The following HPSE2 variants were observed in gnomAD, a reference collection of about 807,000 sequenced individuals.
HPSE2 encodes heparanase 2 (inactive).
HPSE2 carries 38 observed loss-of-function variants against 60.5 expected under a neutral mutation model. The observed-to-expected ratio is 0.63, with a 90% CI of 0.48 to 0.82. HPSE2 has a LOEUF of 0.82. HPSE2 is among the 40% of genes least tolerant of loss of function. The pLI, the probability that HPSE2 is intolerant of heterozygous loss-of-function variation, is 0.00. For missense variants in HPSE2, 713 were observed against 740.4 expected, an observed-to-expected ratio of 0.96 and a Z score of 0.43; for synonymous variants, 295 against 293.2, an observed-to-expected ratio of 1.01 and a Z score of -0.06.
chr10:99,207,596 T>TA lies in HPSE2; in HGVS notation c.448+24751_448+24752insT, dbSNP rs1465429142. Among the ~76,000 whole-genome samples, 6 of 152,126 alleles carry TA rather than the reference T, an allele frequency of 3.9e-5. No individual in the cohort carries two copies. In the East Asian group the frequency reaches 1.2e-3, roughly 29 times the overall value. On this transcript the variant is annotated intron_variant, in intron 2 of 11. Transcript: ENST00000370552. ...TAATAATGGCTATAATAAAGGAACC[T>TA]TAACAATAAAAGTTTTTAAAGAATA...
intron 2 of HPSE2, among the ~76,000 whole-genome samples, chr10:99,228,612 A>T (rs907940794): frequency 6.6e-6 from 1 of 152,212 alleles, no homozygotes; most frequent in Non-Finnish European, 1.5e-5. Context: ...CAACAGTAAG[A>T]TTCCTTGGGT....
intron 3 of HPSE2, among the ~76,000 whole-genome samples, chr10:99,114,507 C>T (rs1221397682): frequency 1.3e-5 from 2 of 152,150 alleles, no homozygotes; most frequent in Non-Finnish European, 2.9e-5. Flanking sequence ...CTCTTCAGAT[C>T]TCTTAACACA....
intron 3 of HPSE2, among the ~76,000 whole-genome samples, chr10:98,886,704 T>G (rs1045519014): frequency 6.6e-6 from 1 of 152,060 alleles, no homozygotes; most frequent in Non-Finnish European, 1.5e-5. Flanking sequence ...GACTGATTGG[T>G]AAGCTAATCA....
chr10:99,186,958 A>AT (rs956959548), intron 2 of HPSE2, among the ~76,000 whole-genome samples: 4 of 151,692 alleles, frequency 2.6e-5, no homozygotes, highest in African/African-American at 9.7e-5. Flanking sequence ...AGTTTTTTGT[A>AT]TTTTTTGTAG....
intron 3 of HPSE2, among the ~76,000 whole-genome samples, chr10:98,973,347 T>C (rs2135273943): frequency 6.6e-6 from 1 of 152,262 alleles, no homozygotes; most frequent in Admixed American, 6.5e-5. Context: ...CAATCTTCTG[T>C]CTAGATAAAC....
chr10:99,240,579 T>A (rs901800959), upstream of HPSE2, among the ~76,000 whole-genome samples: 1 of 151,808 alleles, frequency 6.6e-6, no homozygotes, highest in East Asian at 1.9e-4. Flanking sequence ...CCCGGCTAAT[T>A]TTTTTGTATT....
At chr10:99,312,635 G>T in the HPSE2 span, among the ~76,000 whole-genome samples, 1 of 152,188 alleles carries the variant, frequency 6.6e-6, no homozygotes, top group Admixed American at 6.5e-5. Flanking sequence ...GAGCTCTGAT[G>T]CAGATGTACA....
chr10:99,180,941 G>A (rs1410347420), intron 2 of HPSE2, among the ~76,000 whole-genome samples: 1 of 149,008 alleles, frequency 6.7e-6, no homozygotes, highest in East Asian at 2.0e-4. Flanking sequence ...AGAGGATGTG[G>A]AGAAATAGGA....
intron 3 of HPSE2, among the ~76,000 whole-genome samples, chr10:98,887,129 C>T (rs1953187942): frequency 6.6e-6 from 1 of 152,098 alleles, no homozygotes; most frequent in Non-Finnish European, 1.5e-5. Context: ...ATCATCACCT[C>T]TGATCAATGG....
chr10:99,220,259 T>C (rs374989065), intron 2 of HPSE2, among the ~76,000 whole-genome samples: 38 of 151,558 alleles, frequency 2.5e-4, no homozygotes, highest in Non-Finnish European at 4.3e-4. Flanking sequence ...ATAGCACAAA[T>C]AACAAACAGA....
rs369357717 is a variant in HPSE2, at chr10:99,136,835, C to T, written c.610+7403G>A. Among the ~76,000 whole-genome samples, 28 of 152,230 alleles carry T rather than the reference C, an allele frequency of 1.8e-4. No individual in the cohort carries two copies. In the South Asian group the frequency reaches 5.8e-3, roughly 32 times the overall value. ...ATTCCCTTTGAAAACCAGCGAAAGA[C>T]AAGGAAGCCCTCTCTAACCACTCCT... On this transcript the variant is annotated intron_variant, in intron 3 of 11. Transcript: ENST00000370552.
chr10:99,215,680 T>C (rs1276531397), intron 2 of HPSE2, among the ~76,000 whole-genome samples: 4 of 152,220 alleles, frequency 2.6e-5, no homozygotes, highest in Non-Finnish European at 4.4e-5. Context: ...TCCCATCATA[T>C]GAAATATCCA....
At chr10:99,303,300 C>T in the HPSE2 span, among the ~76,000 whole-genome samples, 17 of 152,112 alleles carry the variant, frequency 1.1e-4, no homozygotes, top group Admixed American at 7.2e-4. Flanking sequence ...GAAACTTAGT[C>T]CATTTGAATT....
chr10:98,973,223 T>G (rs1404944867), intron 3 of HPSE2, among the ~76,000 whole-genome samples: 2 of 152,184 alleles, frequency 1.3e-5, no homozygotes, highest in African/African-American at 4.8e-5. Context: ...GCAGTAACCC[T>G]TTCCAAGAAA....
chr10:99,295,555 T>C, the HPSE2 span, among the ~76,000 whole-genome samples: 7 of 152,236 alleles, frequency 4.6e-5, no homozygotes, highest in African/African-American at 1.7e-4. Context: ...CTTTCTTCCC[T>C]ATATTTTCTA....
chr10:98,544,442 G>T (rs1943584073), intron 9 of HPSE2, among the ~76,000 whole-genome samples: 1 of 152,088 alleles, frequency 6.6e-6, no homozygotes, highest in Non-Finnish European at 1.5e-5. Context: ...CGGGCGCGGT[G>T]GCTCACGCCT....
chr10:99,106,068 T>C (rs1351888257), intron 3 of HPSE2, among the ~76,000 whole-genome samples: 1 of 152,148 alleles, frequency 6.6e-6, no homozygotes, highest in Non-Finnish European at 1.5e-5. Context: ...TCTTCCTTTT[T>C]CAAAATTATT....
chr10:99,023,477 A>G (rs942770246), intron 3 of HPSE2, among the ~76,000 whole-genome samples: 2 of 152,114 alleles, frequency 1.3e-5, no homozygotes, highest in African/African-American at 2.4e-5. Flanking sequence ...TGCTGATTGT[A>G]GAGCTCCAGG....
At chr10:98,659,451 T>C (rs1487662412) in intron 6 of HPSE2, among the ~76,000 whole-genome samples, 1 of 152,262 alleles carries the variant, frequency 6.6e-6, no homozygotes, top group Non-Finnish European at 1.5e-5. Context: ...CTGGCTTCCT[T>C]CACTTAATGT....
Sources: gnomAD v4.1 joint callset for allele counts (sites outside exome capture counted in the v4.1 genomes callset) on GRCh38, gnomAD v4.1.1 for gene constraint, MANE v1.5 for transcripts, NCBI Gene and HGNC (gene_info 2026-07-23, HGNC 2026-07-21) for gene names.